SSPN: variants seen among roughly 807,000 people sequenced by gnomAD.
SSPN encodes sarcospan.
SSPN carries 15 observed loss-of-function variants against 19.1 expected under a neutral mutation model. That is an observed-to-expected ratio of 0.78 (90% confidence interval 0.52 to 1.21). The LOEUF (loss-of-function observed/expected upper bound fraction) is 1.21. SSPN is among the 50% of genes most tolerant of loss of function. The pLI is 0.00. For synonymous variants in SSPN, 147 were observed against 140.3 expected, an observed-to-expected ratio of 1.05 and a Z score of -0.34; for missense variants, 291 against 314.0, an observed-to-expected ratio of 0.93 and a Z score of 0.55.
rs372377221 is a variant in SSPN, at chr12:26,124,790, T to C, written c.-31+2638T>C. On this transcript the variant is annotated intron_variant, in intron 1 of 2. Coordinates refer to the SSPN transcript ENST00000538142. ...AATTCCTTCGTCCATGTTCAACTGCTGTTCGTTTCCTCTGTTTCGATTTTT... is the reference window on the plus strand; with the variant it reads ...AATTCCTTCGTCCATGTTCAACTGCCGTTCGTTTCCTCTGTTTCGATTTTT... 1.9e-5 allele frequency: 31 copies of C among 1,614,188 alleles called. No homozygotes were observed. In the African/African-American group the frequency reaches 2.7e-4, roughly 14 times the overall value.
At chr12:26,218,841 C>T (rs1591891250) in intron 1 of SSPN, among the ~76,000 whole-genome samples, 1 of 152,310 alleles carries the variant, frequency 6.6e-6, no homozygotes, top group East Asian at 1.9e-4. Context: ...TTGAAAATCA[C>T]TTCTAATACT....
At chr12:26,169,487 A>G (rs1234820383) in intron 1 of SSPN, among the ~76,000 whole-genome samples, 1 of 152,146 alleles carries the variant, frequency 6.6e-6, no homozygotes, top group Admixed American at 6.6e-5. Flanking sequence ...TTTCAAACAG[A>G]CAACAGTCAT....
intron 1 of SSPN, among the ~76,000 whole-genome samples, chr12:26,216,692 GT>G (rs1945054692): frequency 9.5e-6 from 1 of 104,986 alleles, no homozygotes. Flanking sequence ...TTCTTCTAGG[GT>G]TTTTATGGTT....
chr12:26,136,565 C>T (rs2137401141), intron 1 of SSPN, among the ~76,000 whole-genome samples: 1 of 152,190 alleles, frequency 6.6e-6, no homozygotes, highest in East Asian at 1.9e-4. Context: ...ATTATTTTTC[C>T]CATTTGAGCT....
chr12:26,140,888 C>G (rs1944456691), intron 1 of SSPN, among the ~76,000 whole-genome samples: 1 of 152,178 alleles, frequency 6.6e-6, no homozygotes, highest in African/African-American at 2.4e-5. Flanking sequence ...GTCTTCCTGC[C>G]TTTCCTTTTT....
chr12:26,167,543 C>G (rs572131487), intron 1 of SSPN, among the ~76,000 whole-genome samples: 1 of 152,238 alleles, frequency 6.6e-6, no homozygotes, highest in East Asian at 1.9e-4. Context: ...TACAATCTCT[C>G]CTGCTTTCTT....
At chr12:26,196,177 C>T (rs1359389093) in intron 1 of SSPN, among the ~76,000 whole-genome samples, 1 of 152,204 alleles carries the variant, frequency 6.6e-6, no homozygotes, top group Non-Finnish European at 1.5e-5. Context: ...CCCAGCGCCT[C>T]CACGGGGCCT....
Position 26,201,043 on chromosome 12 carries a change from ATATTAT to A in SSPN, c.279+5093_279+5098del, listed in dbSNP as rs1450663081. On this transcript the variant is annotated intron_variant, in intron 1 of 2. Coordinates refer to ENST00000242729, the MANE Select transcript of SSPN (RefSeq NM_005086.5). ...TATATATATATATATATATATATAT[ATATTAT>A]ATATATATATTTGGAAATAAAATGG... Among the ~76,000 whole-genome samples, 43 of 56,996 alleles carry A rather than the reference ATATTAT, an allele frequency of 7.5e-4. 3 individuals carry two copies. The highest frequency in any genetic ancestry group is 3.1e-3 in the African/African-American group (43 of 13,716). 37.4% of individuals were successfully genotyped at this position (56,996 alleles called of 152,430 possible).
At chr12:26,209,847 T>C (rs926520075) in intron 1 of SSPN, among the ~76,000 whole-genome samples, 2 of 148,770 alleles carry the variant, frequency 1.3e-5, no homozygotes, top group Non-Finnish European at 3.0e-5. Flanking sequence ...TGTACATGCA[T>C]GTAAGAGCTA....
At chr12:26,130,699 A>G (rs1944392520) in intron 1 of SSPN, among the ~76,000 whole-genome samples, 1 of 152,172 alleles carries the variant, frequency 6.6e-6, no homozygotes, top group African/African-American at 2.4e-5. Context: ...TTTTTTGGTC[A>G]CATAAAAGAA....
At chr12:26,122,924 C>T (rs1248598807) in intron 1 of SSPN, 25 of 1,550,388 alleles carry the variant, frequency 1.6e-5, no homozygotes, top group Non-Finnish European at 2.1e-5. Flanking sequence ...CGGCCGCGGA[C>T]CCGGCGGCCG....
intron 1 of SSPN, among the ~76,000 whole-genome samples, chr12:26,149,419 C>T (rs1333046725): frequency 6.6e-6 from 1 of 152,130 alleles, no homozygotes; most frequent in Non-Finnish European, 1.5e-5. Flanking sequence ...CTAATGATTT[C>T]CATATTTAGC....
chr12:26,195,641 G>GCTGGGGCCCCCCCCCCCCCCCCC lies in SSPN; in HGVS notation c.-31_-30insTGGGGCCCCCCCCCCCCCCCCCC. 1 of 1,105,402 alleles carries GCTGGGGCCCCCCCCCCCCCCCCC rather than the reference G, an allele frequency of 9.0e-7. No homozygotes were observed. The allele number at this position is 1,105,402 out of a possible 1,614,324, so 68.5% of individuals were successfully genotyped here. Reference sequence around the variant, plus strand: ...CTCCAGGGCCCAGGGCGCCGCACACGCACCCACCCACCCACCCAGCCTCGC... The same window carrying GCTGGGGCCCCCCCCCCCCCCCCC: ...CTCCAGGGCCCAGGGCGCCGCACACGCTGGGGCCCCCCCCCCCCCCCCCCACCCACCCACCCACCCAGCCTCGC... On this transcript the variant is annotated 5_prime_UTR_variant, in exon 1 of 3. Transcript: ENST00000242729.
In SSPN at chr12:26,195,665, G is replaced by A. The variant is rs1411730878; in HGVS notation, c.-8G>A. On this transcript the variant is annotated 5_prime_UTR_variant, in exon 1 of 3. Transcript: ENST00000242729. ...CGCACCCACCCACCCACCCAGCCTC[G>A]CAGCGCCATGGGCAAGAACAAGCAG... The A allele has an allele frequency of 1.1e-4, 6 of 52,438 alleles. No homozygotes were observed. Among genetic ancestry groups the A allele is most frequent in the Non-Finnish European group, 1.5e-4 (6 of 40,448 alleles). 3.2% of individuals were successfully genotyped at this position (52,438 alleles called of 1,614,324 possible).
chr12:26,228,926 A>G (rs1322567999), intron 2 of SSPN, among the ~76,000 whole-genome samples: 1 of 152,166 alleles, frequency 6.6e-6, no homozygotes, highest in Non-Finnish European at 1.5e-5. Flanking sequence ...TGGGAGGATC[A>G]CTTGAGGCTT....
At chr12:26,177,887 C>A (rs553684881) in intron 1 of SSPN, among the ~76,000 whole-genome samples, 2 of 152,288 alleles carry the variant, frequency 1.3e-5, no homozygotes, top group African/African-American at 4.8e-5. Context: ...TCATCTCTAA[C>A]GTCCACTAAC....
intron 1 of SSPN, among the ~76,000 whole-genome samples, chr12:26,176,067 C>T (rs189645546): frequency 3.6e-4 from 55 of 152,262 alleles, no homozygotes; most frequent in Admixed American, 1.2e-3. Context: ...AAACCCTTGA[C>T]CTCGAGCAAT....
intron 1 of SSPN, among the ~76,000 whole-genome samples, chr12:26,214,197 T>C (rs1945022388): frequency 6.6e-6 from 1 of 152,206 alleles, no homozygotes; most frequent in Non-Finnish European, 1.5e-5. Context: ...TGAGTCTCAA[T>C]GACTAAGTCA....
intron 1 of SSPN, among the ~76,000 whole-genome samples, chr12:26,203,777 C>T (rs1309649365): frequency 2.0e-5 from 3 of 152,128 alleles, no homozygotes; most frequent in Admixed American, 6.5e-5. Flanking sequence ...GTTCTGGAGA[C>T]GGGAAGTCCA....
Sources: gnomAD v4.1 joint callset for allele counts (sites outside exome capture counted in the v4.1 genomes callset) on GRCh38, gnomAD v4.1.1 for gene constraint, MANE v1.5 for transcripts, NCBI Gene and HGNC (gene_info 2026-07-23, HGNC 2026-07-21) for gene names.